The following BLVRA variants were observed in gnomAD, a reference collection of about 807,000 sequenced individuals.
The protein encoded by BLVRA is biliverdin reductase A, also known as BVR A.
Under a neutral mutation model 32.8 loss-of-function variants are expected in BLVRA, and 22 were observed. The observed-to-expected ratio is 0.67, with a 90% CI of 0.48 to 0.96. The LOEUF (loss-of-function observed/expected upper bound fraction) is 0.96. Among genes scored for constraint, BLVRA ranks in the 40% least tolerant of loss-of-function variants. The probability of loss-of-function intolerance (pLI) is 0.00; values close to 1 mark genes in which losing one functional copy is unlikely to be tolerated. For missense variants in BLVRA, 323 were observed against 358.1 expected (o/e 0.90, Z 0.79); for synonymous variants, 119 against 141.3 (o/e 0.84, Z 1.12).
chr7:43,787,529 A>T lies in BLVRA; in HGVS notation c.13-375A>T, dbSNP rs1169928841. 6.6e-6 allele frequency among the ~76,000 whole-genome samples: 1 copy of T among 152,084 alleles called. No individual in the cohort carries two copies. The highest frequency in any genetic ancestry group is 1.5e-5 in the Non-Finnish European group (1 of 68,006). On this transcript the variant is annotated intron_variant, in intron 2 of 7. Coordinates refer to ENST00000265523, the MANE Select transcript of BLVRA (RefSeq NM_000712.4). This position sits in a 1 kb window ranked among gnomAD's most constrained non-coding sequence, Gnocchi z 4.5. ...AGTATCAGATTCATGTGTCCACTGGAGGAGGGACCCAGGGAGGGCAGAAGT... is the reference window on the plus strand; with the variant it reads ...AGTATCAGATTCATGTGTCCACTGGTGGAGGGACCCAGGGAGGGCAGAAGT...
At chr7:43,803,257 A>T (rs1018417541) in intron 6 of BLVRA, among the ~76,000 whole-genome samples, 1 of 152,096 alleles carries the variant, frequency 6.6e-6, no homozygotes, top group Non-Finnish European at 1.5e-5. Context: ...CTTTTACCAG[A>T]CTACTTTAAA....
At chr7:43,788,730 G>GC (rs2095781525) in intron 3 of BLVRA, among the ~76,000 whole-genome samples, 1 of 152,016 alleles carries the variant, frequency 6.6e-6, no homozygotes, top group South Asian at 2.1e-4. Flanking sequence ...CCGCCTCACA[G>GC]CTCAAGTGGT....
At chr7:43,782,557 G>A (rs550156698) in intron 2 of BLVRA, among the ~76,000 whole-genome samples, 6 of 152,266 alleles carry the variant, frequency 3.9e-5, no homozygotes, top group Non-Finnish European at 5.9e-5. Flanking sequence ...TGGGAATGCG[G>A]CTTGGAAGAG....
At chr7:43,776,151 C>T (rs975662142) in intron 2 of BLVRA, among the ~76,000 whole-genome samples, 1 of 152,110 alleles carries the variant, frequency 6.6e-6, no homozygotes, top group Non-Finnish European at 1.5e-5. Flanking sequence ...TTCAATTCTG[C>T]TCTGATTTTA....
intron 6 of BLVRA, among the ~76,000 whole-genome samples, chr7:43,802,003 A>C (rs576352767): frequency 1.2e-4 from 19 of 152,220 alleles, no homozygotes; most frequent in Admixed American, 1.0e-3. Context: ...TTAGTCGGGC[A>C]TGGTGGCACG....
intron 2 of BLVRA, among the ~76,000 whole-genome samples, chr7:43,776,755 C>T (rs1314841155): frequency 1.3e-5 from 2 of 152,060 alleles, no homozygotes; most frequent in African/African-American, 4.8e-5. Context: ...TAAAGTCTCC[C>T]ATTATTATTG....
chr7:43,763,246 G>A (rs1029014403), intron 1 of BLVRA, among the ~76,000 whole-genome samples: 3 of 152,160 alleles, frequency 2.0e-5, no homozygotes, highest in African/African-American at 7.2e-5. Context: ...TGCTGGAGGA[G>A]CCACTCCCTT....
chr7:43,760,709 A>AC (rs1554581002), intron 1 of BLVRA, among the ~76,000 whole-genome samples: 70 of 151,704 alleles, frequency 4.6e-4, no homozygotes, highest in Middle Eastern at 3.2e-3. Flanking sequence ...TAAAAAAAAA[A>AC]ACACTGAATA....
At chr7:43,804,435 C>T (rs1051229717) in intron 7 of BLVRA, among the ~76,000 whole-genome samples, 1 of 136,750 alleles carries the variant, frequency 7.3e-6, no homozygotes, top group African/African-American at 2.6e-5. Flanking sequence ...AGCGAGACTC[C>T]TTCTTGAAAA....
intron 1 of BLVRA, among the ~76,000 whole-genome samples, chr7:43,765,175 C>T (rs1432536994): frequency 6.6e-6 from 1 of 152,216 alleles, no homozygotes; most frequent in Non-Finnish European, 1.5e-5. Flanking sequence ...TTTCAACTTT[C>T]TAGTGAGTCA....
intron 2 of BLVRA, among the ~76,000 whole-genome samples, chr7:43,773,472 C>G (rs865823418): frequency 3.3e-5 from 5 of 152,164 alleles, no homozygotes; most frequent in African/African-American, 1.2e-4. Context: ...ATGAACTCAT[C>G]ATTTTTTATG....
chr7:43,791,173 C>T (rs771556949), intron 3 of BLVRA, 76 bp from the exon 4 acceptor site: 115 of 1,601,568 alleles, frequency 7.2e-5, no homozygotes, highest in Non-Finnish European at 8.9e-5. Context: ...CAGGACCTGT[C>T]GGGAGGAGGG....
At chr7:43,760,801 C>T (rs2095741424) in intron 1 of BLVRA, among the ~76,000 whole-genome samples, 1 of 145,552 alleles carries the variant, frequency 6.9e-6, no homozygotes, top group Non-Finnish European at 1.5e-5. Flanking sequence ...TGGAGTCTCA[C>T]TGTGTCGCCC....
intron 6 of BLVRA, 116 bp from the exon 7 acceptor site, chr7:43,803,560 T>G: frequency 2.5e-6 from 3 of 1,177,974 alleles, no homozygotes; most frequent in Non-Finnish European, 3.8e-6. Context: ...CAAGGTCCCA[T>G]TGTACTGATC....
chr7:43,783,789 A>G (rs941949494), intron 2 of BLVRA, among the ~76,000 whole-genome samples: 3 of 152,184 alleles, frequency 2.0e-5, no homozygotes, highest in Non-Finnish European at 4.4e-5. Flanking sequence ...CAGGCCAACC[A>G]ATGTGTTATC....
intron 6 of BLVRA, 148 bp from the exon 7 acceptor site, chr7:43,803,528 G>T (rs769974174): frequency 2.4e-6 from 2 of 839,236 alleles, no homozygotes; most frequent in Admixed American, 1.8e-5. Context: ...CATTAATCAC[G>T]TTGCCTGCCT....
At chr7:43,762,954 G>A (rs982981970) in intron 1 of BLVRA, among the ~76,000 whole-genome samples, 3 of 152,046 alleles carry the variant, frequency 2.0e-5, no homozygotes, top group South Asian at 2.1e-4. Context: ...TCTGATTGTC[G>A]TGCTGGGGGG....
intron 5 of BLVRA, among the ~76,000 whole-genome samples, chr7:43,798,941 T>C (rs778954611): frequency 6.6e-6 from 1 of 150,634 alleles, no homozygotes; most frequent in African/African-American, 2.5e-5. Flanking sequence ...TGTTACATAG[T>C]GCTGGGGAAA....
In BLVRA at chr7:43,794,119, G is replaced by A. The variant is rs375848520; in HGVS notation, c.352+1307G>A. On this transcript the variant is annotated intron_variant, in intron 5 of 7. Transcript: ENST00000265523. ...TTAACTGGGTGTGGTGGTGCATACC[G>A]GTAGTCCCAGCTACTTGGAAGTTCA... Among the ~76,000 whole-genome samples the A allele has an allele frequency of 5.9e-5, 9 of 151,480 alleles. No homozygotes were observed. In the East Asian group the frequency reaches 1.4e-3, roughly 23 times the overall value.
Sources: gnomAD v4.1 joint callset for allele counts (sites outside exome capture counted in the v4.1 genomes callset) on GRCh38, gnomAD v4.1.1 for gene constraint, Gnocchi (gnomAD v3.1) non-coding constraint, MANE v1.5 for transcripts, NCBI Gene and HGNC (gene_info 2026-07-23, HGNC 2026-07-21) for gene names.